NKAIN2: variants seen among roughly 807,000 people sequenced by gnomAD.
The protein encoded by NKAIN2 is sodium/potassium transporting ATPase interacting 2.
In NKAIN2, 14 loss-of-function variants were observed where a neutral mutation model predicts 32.6. That is an observed-to-expected ratio of 0.43 (90% CI 0.28 to 0.67). NKAIN2 has a LOEUF of 0.67. Among genes scored for constraint, NKAIN2 ranks in the 30% least tolerant of loss-of-function variants. NKAIN2 has a pLI of 0.17. For synonymous variants in NKAIN2, 80 were observed against 87.2 expected (o/e 0.92, Z 0.46); for missense variants, 198 against 258.3 (o/e 0.77, Z 1.60).
In NKAIN2 at chr6:124,458,418, G is replaced by T. The variant is rs555466083; in HGVS notation, c.273+103071G>T. Among the ~76,000 whole-genome samples, 5 of 151,972 alleles carry T rather than the reference G, an allele frequency of 3.3e-5. No individual in the cohort carries two copies. The East Asian group carries it at 9.7e-4, about 29-fold the overall frequency. On this transcript the variant is annotated intron_variant, in intron 3 of 6. Coordinates refer to ENST00000368417, the MANE Select transcript of NKAIN2 (RefSeq NM_001040214.3). ...CATTTTCAAAAGAAATTGAAGCAGTGTATTAGATGGAAGTAGTAGCTGTAG... is the reference window on the plus strand; with the variant it reads ...CATTTTCAAAAGAAATTGAAGCAGTTTATTAGATGGAAGTAGTAGCTGTAG...
rs1162529828 is a variant in NKAIN2 at position 124,331,345 on chromosome 6, C to CAAAAAAAAAAAAAAAAAAAA, written c.193-23907_193-23888dup. ...TGAAACCCTGTCTCTACTAAATATA[C>CAAAAAAAAAAAAAAAAAAAA]AAAAAAAAAAAAAAAAAAAAAAAAA... On this transcript the variant is annotated intron_variant, in intron 2 of 6. Coordinates refer to ENST00000368417, the MANE Select transcript of NKAIN2 (RefSeq NM_001040214.3). 8.6e-4 allele frequency among the ~76,000 whole-genome samples: 18 copies of CAAAAAAAAAAAAAAAAAAAA among 20,816 alleles called. 2 individuals are homozygous for CAAAAAAAAAAAAAAAAAAAA. Among genetic ancestry groups the CAAAAAAAAAAAAAAAAAAAA allele is most frequent in the East Asian group, 3.6e-3 (2 of 560 alleles). 13.7% of individuals were successfully genotyped at this position (20,816 alleles called of 152,430 possible). A position where few individuals can be genotyped will look rare whatever the true frequency, so the allele number is the denominator to read the frequency against.
At chr6:124,314,503 G>T (rs1029211437) in intron 2 of NKAIN2, among the ~76,000 whole-genome samples, 6 of 152,138 alleles carry the variant, frequency 3.9e-5, no homozygotes, top group Admixed American at 6.5e-5. Flanking sequence ...TAAGATCCAG[G>T]AAAGGGCAGA....
At chr6:124,628,992 G>C (rs530828362) in intron 3 of NKAIN2, among the ~76,000 whole-genome samples, 51 of 152,248 alleles carry the variant, frequency 3.3e-4, no homozygotes, top group Non-Finnish European at 6.3e-4. Flanking sequence ...AAGTGTGAAT[G>C]AGCTGAGTGT....
In NKAIN2 at chr6:124,658,178, T is replaced by C; in HGVS notation, c.274-8T>C. ...TAATTCTCATCCTTGTAAATTGCCT[T>C]CTTGCAGGAAACAGACCTTATCCTG... On this transcript the variant is annotated splice_region_variant and splice_polypyrimidine_tract_variant and intron_variant, in intron 3 of 6. Coordinates refer to ENST00000368417, the MANE Select transcript of NKAIN2 (RefSeq NM_001040214.3). 6.4e-7 allele frequency: 1 copy of C among 1,574,702 alleles called. No homozygotes were observed.
intron 6 of NKAIN2, chr6:124,819,009 A>C (rs1781286608): frequency 1.0e-5 from 2 of 194,932 alleles, no homozygotes; most frequent in Non-Finnish European, 1.9e-5. Context: ...TTAACACTGA[A>C]ATTTATCGAA....
intron 1 of NKAIN2, among the ~76,000 whole-genome samples, chr6:124,196,631 A>G (rs963707460): frequency 6.6e-6 from 1 of 152,034 alleles, no homozygotes; most frequent in Admixed American, 6.6e-5. Flanking sequence ...ACTCTTACAC[A>G]TTCAATTTTT....
intron 1 of NKAIN2, among the ~76,000 whole-genome samples, chr6:124,093,769 C>T (rs188842520): frequency 2.0e-4 from 31 of 152,118 alleles, no homozygotes; most frequent in Non-Finnish European, 3.2e-4. Flanking sequence ...TCTAAGGGAG[C>T]CCGCTATAGC....
intron 4 of NKAIN2, among the ~76,000 whole-genome samples, chr6:124,770,227 T>C (rs1363461410): frequency 6.6e-6 from 1 of 152,210 alleles, no homozygotes; most frequent in African/African-American, 2.4e-5. Flanking sequence ...AGTATGTTAT[T>C]GGTATCACCT....
At chr6:124,221,238 G>A (rs1014629547) in intron 1 of NKAIN2, among the ~76,000 whole-genome samples, 2 of 151,914 alleles carry the variant, frequency 1.3e-5, no homozygotes, top group African/African-American at 4.8e-5. Flanking sequence ...AAAAAAGGAT[G>A]AGTTCATGTA....
chr6:123,819,486 A>G (rs568517294), intron 1 of NKAIN2, among the ~76,000 whole-genome samples: 2 of 152,326 alleles, frequency 1.3e-5, no homozygotes, highest in East Asian at 3.9e-4. Flanking sequence ...GTGCTTAACA[A>G]TATGACCTGA....
chr6:123,925,116 A>G (rs1022266529), intron 1 of NKAIN2, among the ~76,000 whole-genome samples: 2 of 152,146 alleles, frequency 1.3e-5, no homozygotes, highest in African/African-American at 2.4e-5. Flanking sequence ...CATGGTTTCT[A>G]TTATAGGTAC....
At chr6:124,634,622 G>A (rs1783701694) in intron 3 of NKAIN2, among the ~76,000 whole-genome samples, 1 of 151,954 alleles carries the variant, frequency 6.6e-6, no homozygotes, top group Non-Finnish European at 1.5e-5. Flanking sequence ...TTTGCATTTT[G>A]GGAATTCTAG....
chr6:124,156,750 A>C (rs2114425186), intron 1 of NKAIN2, among the ~76,000 whole-genome samples: 1 of 152,134 alleles, frequency 6.6e-6, no homozygotes, highest in East Asian at 1.9e-4. Flanking sequence ...AGAATGGACT[A>C]TAAGAAAGCA....
At chr6:124,117,457 G>A (rs73567608) in intron 1 of NKAIN2, among the ~76,000 whole-genome samples, 7,853 of 152,202 alleles carry the variant, frequency 0.052, 613 homozygotes, top group African/African-American at 0.17. Context: ...GTTCTACTCT[G>A]TTGTAATTTT....
intron 2 of NKAIN2, among the ~76,000 whole-genome samples, chr6:124,329,513 G>A (rs1215033242): frequency 6.6e-6 from 1 of 152,164 alleles, no homozygotes; most frequent in East Asian, 1.9e-4. Flanking sequence ...AGCCTAATTT[G>A]TGGAAATGAG....
intron 3 of NKAIN2, among the ~76,000 whole-genome samples, chr6:124,461,884 T>G (rs565746796): frequency 6.6e-6 from 1 of 151,778 alleles, no homozygotes; most frequent in African/African-American, 2.4e-5. Context: ...TTCACTTTAT[T>G]TTGTTTAGAT....
At chr6:124,427,447 G>A (rs928438230) in intron 3 of NKAIN2, among the ~76,000 whole-genome samples, 1 of 151,946 alleles carries the variant, frequency 6.6e-6, no homozygotes, top group Admixed American at 6.6e-5. Context: ...AAACTTAAAT[G>A]GTATACTTTA....
intron 1 of NKAIN2, among the ~76,000 whole-genome samples, chr6:124,274,666 G>A (rs559301705): frequency 1.1e-4 from 17 of 152,000 alleles, no homozygotes; most frequent in South Asian, 2.1e-4. Flanking sequence ...CCTTGTAAAC[G>A]CATGATTTAA....
At chr6:124,380,169 C>T (rs144529818) in intron 3 of NKAIN2, among the ~76,000 whole-genome samples, 28 of 152,248 alleles carry the variant, frequency 1.8e-4, no homozygotes, top group African/African-American at 5.1e-4. Flanking sequence ...TATTCAGTAA[C>T]GCAGCAGTAT....
Sources: allele counts gnomAD v4.1 joint callset (sites outside exome capture counted in the v4.1 genomes callset), GRCh38; gene constraint gnomAD v4.1.1; transcripts MANE v1.5; gene names NCBI Gene and HGNC (gene_info 2026-07-23, HGNC 2026-07-21).